The following RAP1GAP2 variants were observed in gnomAD, a reference collection of about 807,000 sequenced individuals.
RAP1GAP2 encodes rap1 GTPase-activating protein 2.
RAP1GAP2 carries 27 observed loss-of-function variants against 95.0 expected under a neutral mutation model. That is an observed-to-expected ratio of 0.28 (90% CI 0.21 to 0.39). The LOEUF (loss-of-function observed/expected upper bound fraction) is 0.39, where lower values mean the gene tolerates loss of function less well. Ranked by LOEUF, RAP1GAP2 falls within the 10% of genes least tolerant of loss-of-function variation. RAP1GAP2 has a pLI of 1.00. For synonymous variants in RAP1GAP2, 373 were observed against 380.9 expected (o/e 0.98, Z 0.24); for missense variants, 771 against 970.0 (o/e 0.79, Z 2.72).
intron 2 of RAP1GAP2, among the ~76,000 whole-genome samples, chr17:2,830,506 G>T (rs2070777625): frequency 6.6e-6 from 1 of 152,060 alleles, no homozygotes; most frequent in South Asian, 2.1e-4. Flanking sequence ...ACGATGTCAA[G>T]AGATCGAGAC....
intron 2 of RAP1GAP2, among the ~76,000 whole-genome samples, chr17:2,862,967 A>AGATT (rs1289572723): frequency 2.7e-5 from 4 of 146,742 alleles, no homozygotes; most frequent in Non-Finnish European, 5.9e-5. Context: ...ACTGAACTCC[A>AGATT]GCCTGGGTGA....
intron 2 of RAP1GAP2, among the ~76,000 whole-genome samples, chr17:2,850,236 A>AAG (rs2071778019): frequency 6.7e-6 from 1 of 149,518 alleles, no homozygotes; most frequent in Non-Finnish European, 1.5e-5. Context: ...TCCTGACCTC[A>AAG]TGATCCGCCC....
chr17:2,921,198 A>G (rs1171281784), intron 3 of RAP1GAP2, among the ~76,000 whole-genome samples: 1 of 148,992 alleles, frequency 6.7e-6, no homozygotes, highest in African/African-American at 2.6e-5. Context: ...GGAATTTCTT[A>G]TCTTTTTTTT....
At chr17:2,771,486 G>GTTTTTTTTTTTTGT (rs2068394063) in intron 2 of RAP1GAP2, among the ~76,000 whole-genome samples, 4 of 123,472 alleles carry the variant, frequency 3.2e-5, no homozygotes, top group Admixed American at 8.2e-5. Context: ...CCACTTTTTT[G>GTTTTTTTTTTTTGT]TTTTTTTTTT....
chr17:3,017,945 G>A (rs1259380355), intron 17 of RAP1GAP2, 116 bp from the exon 18 acceptor site: 8 of 877,868 alleles, frequency 9.1e-6, no homozygotes, highest in Non-Finnish European at 1.2e-5. Flanking sequence ...GTGTGTGTGT[G>A]TGTATGTGTG....
chr17:2,925,971 C>G (rs890483766), intron 3 of RAP1GAP2, among the ~76,000 whole-genome samples: 10 of 151,956 alleles, frequency 6.6e-5, no homozygotes, highest in Non-Finnish European at 1.5e-4. Flanking sequence ...AAAGCCCTGT[C>G]TCTACTAAAA....
intron 2 of RAP1GAP2, among the ~76,000 whole-genome samples, chr17:2,838,744 C>A (rs1211865642): frequency 6.6e-6 from 1 of 152,150 alleles, no homozygotes; most frequent in Non-Finnish European, 1.5e-5. Flanking sequence ...TTCCCCGAAA[C>A]TGATCCCCGG....
rs1328724578 is a variant in RAP1GAP2, at chr17:3,008,178, G to A, written c.1494+33G>A. On this transcript the variant is annotated intron_variant, in intron 17 of 24. Coordinates refer to ENST00000254695, the MANE Select transcript of RAP1GAP2 (RefSeq NM_015085.5). This position sits in a 1 kb window ranked among gnomAD's most constrained non-coding sequence, Gnocchi z 4.2. ...CGTCAGAGTGACTGATGGTTGCTGTGGGGTTGGGATTGGGGAAGAAAGGAA... is the reference window on the plus strand; with the variant it reads ...CGTCAGAGTGACTGATGGTTGCTGTAGGGTTGGGATTGGGGAAGAAAGGAA... 1 of 1,612,900 alleles carries A rather than the reference G, an allele frequency of 6.2e-7. No individual in the cohort carries two copies. The highest frequency in any genetic ancestry group is 1.7e-5 in the Admixed American group (1 of 59,976).
chr17:2,916,429 T>G (rs1009877900), intron 3 of RAP1GAP2, among the ~76,000 whole-genome samples: 2 of 152,198 alleles, frequency 1.3e-5, no homozygotes, highest in African/African-American at 4.8e-5. Context: ...ATAAATCACT[T>G]CTGGCATCTC....
intron 8 of RAP1GAP2, among the ~76,000 whole-genome samples, chr17:2,976,105 G>C (rs948797095): frequency 6.6e-6 from 1 of 152,204 alleles, no homozygotes; most frequent in African/African-American, 2.4e-5. Context: ...GAGAGAAATA[G>C]AAGGAGAAGT....
At chr17:2,861,331 C>T (rs1015837561) in intron 2 of RAP1GAP2, among the ~76,000 whole-genome samples, 2 of 151,910 alleles carry the variant, frequency 1.3e-5, no homozygotes, top group Non-Finnish European at 2.9e-5. Context: ...TGTTTCAGAG[C>T]GGGAACTTTG....
chr17:2,794,048 G>A (rs1013975692), upstream of RAP1GAP2, among the ~76,000 whole-genome samples: 6 of 147,830 alleles, frequency 4.1e-5, no homozygotes, highest in Admixed American at 1.4e-4. Flanking sequence ...GCAGTGAGCC[G>A]TGCCACTGCA....
At chr17:2,995,250 C>G in intron 12 of RAP1GAP2, 87 bp from the exon 13 acceptor site, 11 of 1,471,934 alleles carry the variant, frequency 7.5e-6, no homozygotes, top group Non-Finnish European at 1.0e-5. Context: ...GTATCCTCTG[C>G]TGCGTATACT....
intron 1 of RAP1GAP2, among the ~76,000 whole-genome samples, chr17:2,764,736 A>AATAAAT (rs1037913348): frequency 1.3e-5 from 2 of 152,194 alleles, no homozygotes; most frequent in African/African-American, 4.8e-5. Context: ...TAAATAAATA[A>AATAAAT]AAAAATAAAA....
chr17:2,780,892 G>T (rs527414188), intron 1 of RAP1GAP2, among the ~76,000 whole-genome samples: 1 of 152,314 alleles, frequency 6.6e-6, no homozygotes, highest in African/African-American at 2.4e-5. Context: ...TGTCCAGTAG[G>T]AAGTTCTGCC....
At chr17:2,920,010 C>CTTTT in intron 3 of RAP1GAP2, among the ~76,000 whole-genome samples, 1 of 116,958 alleles carries the variant, frequency 8.6e-6, no homozygotes, top group Non-Finnish European at 1.8e-5. Context: ...CTCCTTTTTT[C>CTTTT]TTTTTTTTTT....
chr17:2,937,143 G>A (rs2043330954), intron 3 of RAP1GAP2, among the ~76,000 whole-genome samples: 1 of 152,166 alleles, frequency 6.6e-6, no homozygotes, highest in African/African-American at 2.4e-5. Context: ...TGACCTCCAA[G>A]TTAAGACCTA....
Position 2,995,406 on chromosome 17 carries a change from CAG to C in RAP1GAP2, c.985_986del (p.Arg329GlyfsTer29). On this transcript the variant is annotated frameshift_variant, in exon 13 of 25. Transcript: ENST00000254695. LOFTEE classifies it high-confidence loss of function. ...AATCAGTGTACACAACATTCCGGGACAGGGAGATCATGTTTCACGTTTCCACA... is the reference window on the plus strand; with the variant it reads ...AATCAGTGTACACAACATTCCGGGACGGAGATCATGTTTCACGTTTCCACA... ...VESVYTTFRD[R>X]EIMFHVSTKL... 1.2e-6 allele frequency: 2 copies of C among 1,613,998 alleles called. No homozygotes were observed. The highest frequency in any genetic ancestry group is 1.7e-6 in the Non-Finnish European group (2 of 1,179,866).
chr17:2,918,763 G>A (rs1454879597), intron 3 of RAP1GAP2, among the ~76,000 whole-genome samples: 2 of 152,150 alleles, frequency 1.3e-5, no homozygotes, highest in Admixed American at 6.5e-5. Flanking sequence ...CTCCAGCACT[G>A]AGGGTTACAG....
Sources: gnomAD v4.1 joint callset for allele counts (sites outside exome capture counted in the v4.1 genomes callset) on GRCh38, gnomAD v4.1.1 for gene constraint, Gnocchi (gnomAD v3.1) non-coding constraint, MANE v1.5 for transcripts, NCBI Gene and HGNC (gene_info 2026-07-23, HGNC 2026-07-21) for gene names.